MVB12B: variants seen among roughly 807,000 people sequenced by gnomAD.
MVB12B encodes multivesicular body subunit 12B.
MVB12B carries 16 observed loss-of-function variants against 41.6 expected under a neutral mutation model. The ratio of observed to expected loss-of-function variants is 0.38; its 90% CI spans 0.26 to 0.58. MVB12B has a LOEUF of 0.58. Among genes scored for constraint, MVB12B ranks in the 20% least tolerant of loss-of-function variants. The probability of loss-of-function intolerance (pLI) is 0.62; values close to 1 mark genes in which losing one functional copy is unlikely to be tolerated. For missense variants in MVB12B, 274 were observed against 380.2 expected (o/e 0.72, Z 2.32); for synonymous variants, 133 against 139.7 (o/e 0.95, Z 0.34).
intron 7 of MVB12B, among the ~76,000 whole-genome samples, chr9:126,434,588 A>G (rs1832420914): frequency 6.6e-6 from 1 of 152,182 alleles, no homozygotes; most frequent in Non-Finnish European, 1.5e-5. Flanking sequence ...AAACACACCT[A>G]TCTTTATGTT....
At chr9:126,462,010 T>G (rs1833101888) in intron 7 of MVB12B, among the ~76,000 whole-genome samples, 1 of 152,246 alleles carries the variant, frequency 6.6e-6, no homozygotes, top group South Asian at 2.1e-4. Flanking sequence ...TATGCTCCCA[T>G]CACTCACGAC....
At chr9:126,463,193 C>G (rs1833125932) in intron 7 of MVB12B, among the ~76,000 whole-genome samples, 1 of 152,152 alleles carries the variant, frequency 6.6e-6, no homozygotes, top group African/African-American at 2.4e-5. Context: ...TGGTTGGAAA[C>G]ACACCTCTGC....
chr9:126,337,431 T>C (rs953355737), intron 1 of MVB12B, among the ~76,000 whole-genome samples: 25 of 152,244 alleles, frequency 1.6e-4, no homozygotes, highest in African/African-American at 5.8e-4. Context: ...TTTATCCTTC[T>C]GTACTTTTTC....
At chr9:126,440,809 A>G (rs1002185088) in intron 7 of MVB12B, among the ~76,000 whole-genome samples, 4 of 152,228 alleles carry the variant, frequency 2.6e-5, no homozygotes, top group African/African-American at 7.2e-5. Context: ...TCTTCTTTTC[A>G]TAATTGGACA....
Position 126,504,058 on chromosome 9 carries a change from C to G in MVB12B, c.*795C>G, listed in dbSNP as rs1322895804. 1 of 152,474 alleles carries G rather than the reference C, an allele frequency of 6.6e-6. No individual in the cohort carries two copies. Among genetic ancestry groups the G allele is most frequent in the African/African-American group, 2.4e-5 (1 of 41,460 alleles). The allele number at this position is 152,474 out of a possible 1,614,324, so 9.4% of individuals were successfully genotyped here. A position where few individuals can be genotyped will look rare whatever the true frequency, so the allele number is the denominator to read the frequency against. On this transcript the variant is annotated 3_prime_UTR_variant, in exon 10 of 10. Coordinates refer to ENST00000361171, the MANE Select transcript of MVB12B (RefSeq NM_033446.3). ...CCAACAATAGCTCCAGGTGCCTCAG[C>G]CCCGTGCCCTGACCCGGGGACCACA...
rs35379005 is a variant in MVB12B at position 126,430,576 on chromosome 9, CT to C, written c.757+8641del. On this transcript the variant is annotated intron_variant, in intron 7 of 9. Coordinates refer to ENST00000361171, the MANE Select transcript of MVB12B (RefSeq NM_033446.3). ...ATTTAGAGAGAATGGAGGCTCCCCT[CT>C]TTTTTTTTTTTTAATTGAGGAGGAT... 8.6e-3 allele frequency among the ~76,000 whole-genome samples: 1,238 copies of C among 144,778 alleles called. 11 individuals are homozygous for C. Among genetic ancestry groups the C allele is most frequent in the East Asian group, 0.051 (252 of 4,934 alleles). The allele number at this position is 144,778 out of a possible 152,430, so 95.0% of individuals were successfully genotyped here. A position where few individuals can be genotyped will look rare whatever the true frequency, so the allele number is the denominator to read the frequency against.
In MVB12B at chr9:126,505,154, G is replaced by T. The variant is rs1834040249; in HGVS notation, c.*1891G>T. The T allele has an allele frequency of 6.6e-6, 1 of 152,330 alleles. No individual in the cohort carries two copies. Among genetic ancestry groups the T allele is most frequent in the African/African-American group, 2.4e-5 (1 of 41,454 alleles). 9.4% of individuals were successfully genotyped at this position (152,330 alleles called of 1,614,324 possible). On this transcript the variant is annotated 3_prime_UTR_variant, in exon 10 of 10. Coordinates refer to ENST00000361171, the MANE Select transcript of MVB12B (RefSeq NM_033446.3). ...TCACCTCTTTTCGTGCCCTGGTTGT[G>T]AGATTGCCTCTAACAGGTAATGCCA...
At chr9:126,443,676 T>C (rs1212605389) in intron 7 of MVB12B, among the ~76,000 whole-genome samples, 1 of 152,266 alleles carries the variant, frequency 6.6e-6, no homozygotes, top group African/African-American at 2.4e-5. Context: ...TAAAAGTGTA[T>C]GTCTACCTAA....
intron 7 of MVB12B, among the ~76,000 whole-genome samples, chr9:126,445,573 G>A (rs1393561665): frequency 1.3e-5 from 2 of 152,314 alleles, no homozygotes; most frequent in African/African-American, 4.8e-5. Context: ...AACGTGCTGG[G>A]ATTACAGGCG....
At chr9:126,423,760 C>T (rs1832092097) in intron 7 of MVB12B, among the ~76,000 whole-genome samples, 1 of 152,204 alleles carries the variant, frequency 6.6e-6, no homozygotes, top group Non-Finnish European at 1.5e-5. Context: ...GCCCGCCCAC[C>T]CACTGGCAGC....
At chr9:126,441,068 C>T (rs1832627234) in intron 7 of MVB12B, among the ~76,000 whole-genome samples, 1 of 152,236 alleles carries the variant, frequency 6.6e-6, no homozygotes, top group African/African-American at 2.4e-5. Context: ...TCTCCCGATG[C>T]AGCCCTCATT....
intron 7 of MVB12B, among the ~76,000 whole-genome samples, chr9:126,466,012 C>T (rs1414587773): frequency 2.6e-5 from 4 of 152,202 alleles, no homozygotes; most frequent in Admixed American, 2.6e-4. Flanking sequence ...CTGGAGAAAT[C>T]TATCTGAATT....
intron 7 of MVB12B, among the ~76,000 whole-genome samples, chr9:126,443,982 T>C (rs1832706672): frequency 6.6e-6 from 1 of 152,282 alleles, no homozygotes; most frequent in Non-Finnish European, 1.5e-5. Flanking sequence ...ATAATATTTT[T>C]GAGAGTCTTC....
Position 126,381,109 on chromosome 9 carries a change from G to A in MVB12B, c.250G>A (p.Gly84Ser), listed in dbSNP as rs1207883676. Residue 84 changes from glycine (G) to serine (S), a missense_variant, in exon 3 of 10, where the codon GGC becomes AGC. Coordinates refer to ENST00000361171, the MANE Select transcript of MVB12B (RefSeq NM_033446.3). Reference protein sequence around the residue: ...DGVDADLWKDGLFKSKVTRYL... With the variant: ...DGVDADLWKDSLFKSKVTRYL... Reference sequence around the variant, plus strand: ...TGTGGATGCTGACCTCTGGAAAGACGGCTTATTTAAATCCAAGGTTACCAG... The same window carrying A: ...TGTGGATGCTGACCTCTGGAAAGACAGCTTATTTAAATCCAAGGTTACCAG... The A allele has an allele frequency of 3.7e-6, 6 of 1,614,094 alleles. No homozygotes were observed. Among genetic ancestry groups the A allele is most frequent in the Non-Finnish European group, 5.1e-6 (6 of 1,180,004 alleles).
chr9:126,496,025 C>T (rs1452243164), intron 9 of MVB12B, among the ~76,000 whole-genome samples: 3 of 152,050 alleles, frequency 2.0e-5, no homozygotes, highest in Non-Finnish European at 2.9e-5. Flanking sequence ...TGCCCAGGGG[C>T]CCCAGGGCTG....
intron 8 of MVB12B, 92 bp downstream of exon 8, chr9:126,481,516 G>T (rs1387982203): frequency 2.2e-5 from 21 of 951,450 alleles, no homozygotes; most frequent in African/African-American, 1.3e-4. Context: ...GGCTGTTCTG[G>T]CAGTACTCAC....
At chr9:126,434,002 T>C (rs1205875847) in intron 7 of MVB12B, among the ~76,000 whole-genome samples, 2 of 152,320 alleles carry the variant, frequency 1.3e-5, no homozygotes, top group East Asian at 3.9e-4. Flanking sequence ...TGATGAGATT[T>C]ATCTTTCAGC....
chr9:126,398,612 C>T (rs1588139665), intron 6 of MVB12B, among the ~76,000 whole-genome samples: 1 of 152,228 alleles, frequency 6.6e-6, no homozygotes, highest in African/African-American at 2.4e-5. Context: ...ACGTCCAGTG[C>T]GGTCTTTGTG....
chr9:126,350,995 T>C (rs1345419204), intron 2 of MVB12B, among the ~76,000 whole-genome samples: 1 of 152,096 alleles, frequency 6.6e-6, no homozygotes, highest in African/African-American at 2.4e-5. Flanking sequence ...ATCCCCACTA[T>C]GTTGAGTATT....
Sources: allele counts gnomAD v4.1 joint callset (sites outside exome capture counted in the v4.1 genomes callset), GRCh38; gene constraint gnomAD v4.1.1; transcripts MANE v1.5; gene names NCBI Gene and HGNC (gene_info 2026-07-23, HGNC 2026-07-21).